The following IL31RA variants were observed in gnomAD, a reference collection of about 807,000 sequenced individuals.
IL31RA encodes interleukin-31 receptor subunit alpha.
Under a neutral mutation model 83.7 loss-of-function variants are expected in IL31RA, and 66 were observed. The observed-to-expected ratio is 0.79, with a 90% confidence interval of 0.65 to 0.97. IL31RA has a LOEUF of 0.97. Among genes scored for constraint, IL31RA ranks in the 50% least tolerant of loss-of-function variants. The pLI is 0.00. For missense variants in IL31RA, 798 were observed against 919.4 expected (o/e 0.87, Z 1.71); for synonymous variants, 325 against 329.0 (o/e 0.99, Z 0.13).
intron 1 of IL31RA, among the ~76,000 whole-genome samples, chr5:55,856,062 A>C (rs1745345625): frequency 6.6e-6 from 1 of 152,094 alleles, no homozygotes; most frequent in Non-Finnish European, 1.5e-5. Flanking sequence ...TTGCCCAGCT[A>C]ATTTTTGTAT....
At chr5:55,873,544 C>T (rs2112390289) in intron 4 of IL31RA, among the ~76,000 whole-genome samples, 1 of 152,198 alleles carries the variant, frequency 6.6e-6, no homozygotes, top group South Asian at 2.1e-4. Flanking sequence ...ACAATTTCTG[C>T]ATACCCTCAC....
intron 8 of IL31RA, among the ~76,000 whole-genome samples, chr5:55,904,068 T>C (rs1348903136): frequency 4.6e-5 from 7 of 152,224 alleles, no homozygotes; most frequent in Non-Finnish European, 1.0e-4. Context: ...TGTGTCTCTG[T>C]TTCCATGCCC....
At chr5:55,881,234 G>T (rs1394034815) in intron 4 of IL31RA, among the ~76,000 whole-genome samples, 1 of 151,768 alleles carries the variant, frequency 6.6e-6, no homozygotes, top group East Asian at 1.9e-4. Flanking sequence ...CCCGGAAGGC[G>T]GAGCTTGCAG....
At chr5:55,864,259 G>T (rs1745868282) in intron 2 of IL31RA, among the ~76,000 whole-genome samples, 1 of 151,334 alleles carries the variant, frequency 6.6e-6, no homozygotes, top group East Asian at 1.9e-4. Flanking sequence ...CTTGGCCAGA[G>T]ACTGAGGATA....
chr5:55,846,695 G>A (rs553086528), upstream of IL31RA, among the ~76,000 whole-genome samples: 1 of 152,234 alleles, frequency 6.6e-6, no homozygotes, highest in East Asian at 1.9e-4. Flanking sequence ...TACTTGGGAG[G>A]CTGAAACAGG....
intron 4 of IL31RA, among the ~76,000 whole-genome samples, chr5:55,879,181 ATAAG>A (rs2112418032): frequency 6.6e-6 from 1 of 152,248 alleles, no homozygotes; most frequent in Non-Finnish European, 1.5e-5. Context: ...AGGCTGGAAT[ATAAG>A]TAAGTGTGCT....
rs1749972637 is a variant in IL31RA at position 55,919,239 on chromosome 5, C to T, written c.*2119C>T. On this transcript the variant is annotated 3_prime_UTR_variant, in exon 15 of 15. Coordinates refer to ENST00000652347, the MANE Select transcript of IL31RA (RefSeq NM_139017.7). Reference sequence around the variant, plus strand: ...CCACCTGTAGTTGGGGGAATTTTCTCAAATTCTGTGGGAGGTGGGTGAGAG... The same window carrying T: ...CCACCTGTAGTTGGGGGAATTTTCTTAAATTCTGTGGGAGGTGGGTGAGAG... Among the ~76,000 whole-genome samples the T allele has an allele frequency of 2.0e-5, 3 of 152,192 alleles. No individual in the cohort carries two copies. In the South Asian group the frequency reaches 6.2e-4, roughly 32 times the overall value.
Position 55,910,525 on chromosome 5 carries a change from C to T in IL31RA, c.1502-7C>T. The T allele has an allele frequency of 5.6e-6, 9 of 1,614,022 alleles. No homozygotes were observed. The highest frequency in any genetic ancestry group is 7.6e-6 in the Non-Finnish European group (9 of 1,179,974). ...TGTGGTGTTTGACCTTTGTATTTTT[C>T]CTTTAGCCAAGACAGTCAATTCCAG... On this transcript the variant is annotated splice_polypyrimidine_tract_variant and splice_region_variant and intron_variant, in intron 11 of 14. Coordinates refer to ENST00000652347, the MANE Select transcript of IL31RA (RefSeq NM_139017.7).
At chr5:55,847,256 TAAA>T (rs1561530276), upstream of IL31RA, among the ~76,000 whole-genome samples, 510 of 126,280 alleles carry the variant, frequency 4.0e-3, 8 homozygotes, top group Middle Eastern at 0.057. Context: ...AATAAATAAA[TAAA>T]TAAATAAATA....
rs190380039 is a variant in IL31RA at position 55,921,789 on chromosome 5, T to G, written c.*4669T>G. On this transcript the variant is annotated 3_prime_UTR_variant, in exon 15 of 15. Transcript: ENST00000652347. ...ATGTCCCTGTGTTGACATTACAGAA[T>G]GTTCTCTGCCTCCGTGCTCCTGGGG... Among the ~76,000 whole-genome samples the G allele has an allele frequency of 6.6e-6, 1 of 152,358 alleles. No individual in the cohort carries two copies. The highest frequency in any genetic ancestry group is 2.4e-5 in the African/African-American group (1 of 41,586).
At position 55,851,418 on chromosome 5, in the gene IL31RA, G is replaced by A. The variant is rs1381466388; in HGVS notation, c.-153G>A. 4.2e-6 allele frequency: 6 copies of A among 1,415,080 alleles called. No homozygotes were observed. The highest frequency in any genetic ancestry group is 1.4e-5 in the African/African-American group (1 of 70,634). 87.7% of individuals were successfully genotyped at this position (1,415,080 alleles called of 1,614,324 possible). A position where few individuals can be genotyped will look rare whatever the true frequency, so the allele number is the denominator to read the frequency against. The stretch of plus-strand genomic sequence containing the variant: ...CCAGCACTCTGCTTGGGGGGCATTC[G>A]AAACAGCAAAATCACTCATAAAAGG... On this transcript the variant is annotated 5_prime_UTR_variant, in exon 1 of 15. Transcript: ENST00000652347.
rs1373083200 is a variant in IL31RA at position 55,903,267 on chromosome 5, G to A, written c.1070-2839G>A. Among the ~76,000 whole-genome samples, 5 of 152,232 alleles carry A rather than the reference G, an allele frequency of 3.3e-5. No homozygotes were observed. Among genetic ancestry groups the A allele is most frequent in the South Asian group, 2.1e-4 (1 of 4,832 alleles). ...GGCAGAGCTCAGGATGGGCCAGGAC[G>A]GTTGGCAAAGGAGAAGCAGCACCAG... On this transcript the variant is annotated intron_variant, in intron 8 of 14. Coordinates refer to ENST00000652347, the MANE Select transcript of IL31RA (RefSeq NM_139017.7). This position sits in a 1 kb window ranked among gnomAD's most constrained non-coding sequence, Gnocchi z 4.7.
chr5:55,916,658 G>A lies in IL31RA; in HGVS notation c.1833G>A (p.Leu611=), dbSNP rs1749801464. The change falls in exon 15 of 15, where the codon CTG becomes CTA. Residue 611 remains leucine, a synonymous_variant. Transcript: ENST00000652347. ...TTCTTTTCCAGGATAAGCTAAACCT[G>A]AAGGAGTCTGATGACTCTGTGAACA... ...HGDDFKDKLN[L]KESDDSVNTE... 3 of 1,614,028 alleles carry A rather than the reference G, an allele frequency of 1.9e-6. No individual in the cohort carries two copies. The highest frequency in any genetic ancestry group is 3.3e-5 in the Admixed American group (2 of 60,014).
chr5:55,899,087 G>A (rs1004551083), intron 7 of IL31RA, among the ~76,000 whole-genome samples: 5 of 152,022 alleles, frequency 3.3e-5, no homozygotes, highest in African/African-American at 1.2e-4. Flanking sequence ...AAGGCTCCTG[G>A]TCATTAGGAA....
At chr5:55,863,463 T>C (rs1024069417) in intron 2 of IL31RA, among the ~76,000 whole-genome samples, 4 of 152,160 alleles carry the variant, frequency 2.6e-5, no homozygotes, top group African/African-American at 7.2e-5. Context: ...CATGTCAGCA[T>C]CCGTTTTCAA....
rs772361354 is a variant in IL31RA at position 55,920,352 on chromosome 5, G to A, written c.*3232G>A. ...CCTGCCACCCAGGGCAGTGGCCCACGGGCCAAATCCAGGCCCTGTTTTTGT... is the reference window on the plus strand; with the variant it reads ...CCTGCCACCCAGGGCAGTGGCCCACAGGCCAAATCCAGGCCCTGTTTTTGT... On this transcript the variant is annotated 3_prime_UTR_variant, in exon 15 of 15. Coordinates refer to ENST00000652347, the MANE Select transcript of IL31RA (RefSeq NM_139017.7). 6.6e-6 allele frequency among the ~76,000 whole-genome samples: 1 copy of A among 152,348 alleles called. No individual in the cohort carries two copies.
At chr5:55,889,862 A>G in intron 5 of IL31RA, 108 bp from the exon 6 acceptor site, 1 of 947,040 alleles carries the variant, frequency 1.1e-6, no homozygotes, top group Non-Finnish European at 1.7e-6. Context: ...AATTTGATTT[A>G]GAGTGTTACT....
rs191115256 is a variant in IL31RA at position 55,919,541 on chromosome 5, T to C, written c.*2421T>C. ...CTCCTCTTGCCCCTATCTTGTGCTT[T>C]GTTTTCCCCCACTGCCAGAGCTTCT... On this transcript the variant is annotated 3_prime_UTR_variant, in exon 15 of 15. Coordinates refer to ENST00000652347, the MANE Select transcript of IL31RA (RefSeq NM_139017.7). Among the ~76,000 whole-genome samples the C allele has an allele frequency of 6.6e-6, 1 of 152,344 alleles. No homozygotes were observed. The highest frequency in any genetic ancestry group is 1.5e-5 in the Non-Finnish European group (1 of 68,028).
In IL31RA at chr5:55,922,486, A is replaced by T. The variant is rs1750140321; in HGVS notation, c.*5366A>T. 5.5e-6 allele frequency: 8 copies of T among 1,451,998 alleles called. No individual in the cohort carries two copies. Among genetic ancestry groups the T allele is most frequent in the Non-Finnish European group, 7.5e-6 (8 of 1,059,604 alleles). 89.9% of individuals were successfully genotyped at this position (1,451,998 alleles called of 1,614,324 possible). A position where few individuals can be genotyped will look rare whatever the true frequency, so the allele number is the denominator to read the frequency against. ...CTGTGGTCTATGCAAATTAGAAAGG[A>T]CATGCAGAGTTTTCCAACTAGGAAG... On this transcript the variant is annotated 3_prime_UTR_variant, in exon 15 of 15. Transcript: ENST00000652347.
Sources: gnomAD v4.1 joint callset for allele counts (sites outside exome capture counted in the v4.1 genomes callset) on GRCh38, gnomAD v4.1.1 for gene constraint, Gnocchi (gnomAD v3.1) non-coding constraint, MANE v1.5 for transcripts, NCBI Gene and HGNC (gene_info 2026-07-23, HGNC 2026-07-21) for gene names.